Variants in ERN1 observed in about 807,000 individuals in gnomAD.
ERN1 encodes endoplasmic reticulum to nucleus signaling 1, also known as serine/threonine-protein kinase/endoribonuclease IRE1.
Under a neutral mutation model 113.1 loss-of-function variants are expected in ERN1, and 39 were observed. The ratio of observed to expected loss-of-function variants is 0.34; its 90% CI spans 0.27 to 0.45. The LOEUF is 0.45. Ranked by LOEUF, ERN1 falls within the 20% of genes least tolerant of loss-of-function variation. The pLI is 1.00. For missense variants in ERN1, 976 were observed against 1,274.8 expected (o/e 0.77, Z 3.57); for synonymous variants, 507 against 515.9 (o/e 0.98, Z 0.23).
chr17:64,062,992 C>T (rs1160294072), intron 10 of ERN1, among the ~76,000 whole-genome samples: 2 of 152,218 alleles, frequency 1.3e-5, no homozygotes, highest in Non-Finnish European at 2.9e-5. Flanking sequence ...CCACCTACAC[C>T]GCACTGCCTG....
chr17:64,105,938 C>T (rs1392092454), intron 1 of ERN1, among the ~76,000 whole-genome samples: 7 of 142,976 alleles, frequency 4.9e-5, no homozygotes, highest in South Asian at 2.2e-4. Flanking sequence ...CCAGCCTAGG[C>T]GACAAGAGCA....
In ERN1 at chr17:64,063,151, C is replaced by T. The variant is rs1053534928; in HGVS notation, c.1087+835G>A. Among the ~76,000 whole-genome samples the T allele has an allele frequency of 1.3e-5, 2 of 152,262 alleles. No homozygotes were observed. Among genetic ancestry groups the T allele is most frequent in the Admixed American group, 1.3e-4 (2 of 15,290 alleles). ...CAGAGAGAAGAAACTGCACCGGCCC[C>T]TGGGTGCTCCAGCACCCGACTGACC... On this transcript the variant is annotated intron_variant, in intron 10 of 21. Transcript: ENST00000433197. The surrounding 1 kb of genome is among the most constrained non-coding windows in gnomAD (Gnocchi z 5.1).
Position 64,057,955 on chromosome 17 carries a change from AG to A in ERN1, c.1244del (p.Pro415LeufsTer35). On this transcript the variant is annotated frameshift_variant, in exon 12 of 22. Transcript: ENST00000433197. LOFTEE classifies it high-confidence loss of function. ...NLVDQTSENAPTTVSRDVEEK... is the reference protein window; with the variant it reads ...NLVDQTSENAXTTVSRDVEEK... Reference sequence around the variant, plus strand: ...CCTCCACATCCCGAGACACGGTGGTAGGTGCGTTTTCTGAAGTCTGGTCAAC... The same window carrying A: ...CCTCCACATCCCGAGACACGGTGGTAGTGCGTTTTCTGAAGTCTGGTCAAC... The A allele has an allele frequency of 6.3e-7, 1 of 1,599,436 alleles. No homozygotes were observed. The highest frequency in any genetic ancestry group is 8.5e-7 in the Non-Finnish European group (1 of 1,173,134).
At chr17:64,061,243 C>A (rs903911901) in intron 10 of ERN1, among the ~76,000 whole-genome samples, 1 of 152,200 alleles carries the variant, frequency 6.6e-6, no homozygotes, top group African/African-American at 2.4e-5. Flanking sequence ...ACAAAGCTGA[C>A]TAGAATAGGG....
intron 1 of ERN1, among the ~76,000 whole-genome samples, chr17:64,107,325 T>C (rs1729336819): frequency 6.6e-6 from 1 of 152,196 alleles, no homozygotes; most frequent in Admixed American, 6.5e-5. Flanking sequence ...AAATTTGTTT[T>C]GTTTTGTTTC....
chr17:64,120,490 C>A (rs935764294), intron 1 of ERN1, among the ~76,000 whole-genome samples: 10 of 152,226 alleles, frequency 6.6e-5, no homozygotes, highest in Middle Eastern at 3.4e-3. Context: ...GGGAAATAAT[C>A]CACTGGAGAA....
At chr17:64,107,125 C>G (rs1173595873) in intron 1 of ERN1, among the ~76,000 whole-genome samples, 2 of 152,058 alleles carry the variant, frequency 1.3e-5, no homozygotes, top group East Asian at 3.9e-4. Flanking sequence ...AAAAATTCAC[C>G]AAAGCAGTAG....
At chr17:64,105,687 C>T (rs1024489624) in intron 1 of ERN1, among the ~76,000 whole-genome samples, 14 of 152,202 alleles carry the variant, frequency 9.2e-5, no homozygotes, top group Middle Eastern at 3.4e-3. Flanking sequence ...AGAAAACAGC[C>T]GGGCACAGTG....
Position 64,049,462 on chromosome 17 carries a change from G to A in ERN1, c.2254-260C>T, listed in dbSNP as rs1323372285. On this transcript the variant is annotated intron_variant, in intron 17 of 21. Coordinates refer to ENST00000433197, the MANE Select transcript of ERN1 (RefSeq NM_001433.5). The surrounding 1 kb of genome is among the most constrained non-coding windows in gnomAD (Gnocchi z 4.7). ...CTCATGTGAGATGAGGACACTGACA[G>A]CATGGGGCTGTTGTCAAAAGAGATG... 1.3e-5 allele frequency among the ~76,000 whole-genome samples: 2 copies of A among 152,228 alleles called. No individual in the cohort carries two copies. The highest frequency in any genetic ancestry group is 2.9e-5 in the Non-Finnish European group (2 of 68,038).
chr17:64,068,462 C>T (rs1913308781), intron 6 of ERN1, among the ~76,000 whole-genome samples, 171 bp from the exon 7 acceptor site: 1 of 152,196 alleles, frequency 6.6e-6, no homozygotes, highest in Admixed American at 6.5e-5. Flanking sequence ...AAGGCCCAGA[C>T]ACATGAGTGA....
At chr17:64,051,799 A>G (rs984789196) in intron 17 of ERN1, among the ~76,000 whole-genome samples, 1 of 152,236 alleles carries the variant, frequency 6.6e-6, no homozygotes, top group African/African-American at 2.4e-5. Flanking sequence ...CAACTCTATA[A>G]AAGACATTTG....
chr17:64,061,389 G>A (rs1010608019), intron 10 of ERN1, among the ~76,000 whole-genome samples: 1 of 152,170 alleles, frequency 6.6e-6, no homozygotes. Flanking sequence ...CTCTGGCTAT[G>A]AGCAGATCTC....
intron 2 of ERN1, among the ~76,000 whole-genome samples, chr17:64,082,343 C>T (rs1001990261): frequency 6.6e-6 from 1 of 152,140 alleles, no homozygotes; most frequent in African/African-American, 2.4e-5. Flanking sequence ...CACAAACAGA[C>T]TGATGCAAGA....
intron 6 of ERN1, among the ~76,000 whole-genome samples, chr17:64,070,530 C>T (rs123207): frequency 0.96 from 146,305 of 152,304 alleles, 70,564 homozygotes; most frequent in East Asian, 1. Context: ...TCACTACAGT[C>T]AGAAGCTGGA....
intron 2 of ERN1, 78 bp from the exon 3 acceptor site, chr17:64,080,886 C>G: frequency 1.4e-6 from 2 of 1,415,694 alleles, no homozygotes; most frequent in South Asian, 2.5e-5. Context: ...CAGGACCAGG[C>G]CAAGTTGTAC....
chr17:64,083,510 G>A (rs1315002927), intron 2 of ERN1, among the ~76,000 whole-genome samples: 1 of 152,020 alleles, frequency 6.6e-6, no homozygotes, highest in Admixed American at 6.5e-5. Flanking sequence ...AAGAATAAAA[G>A]CCAATGTCAC....
At position 64,071,879 on chromosome 17, in the gene ERN1, G is replaced by GA. The variant is rs1334511541; in HGVS notation, c.478+101dup. On this transcript the variant is annotated intron_variant, in intron 6 of 21. Coordinates refer to ENST00000433197, the MANE Select transcript of ERN1 (RefSeq NM_001433.5). ...AATGACATGATGGGACCTGTGTTTG[G>GA]AAAAAAGCAGCTCTGGCCACCTTCT... The GA allele has an allele frequency of 3.4e-5, 45 of 1,323,868 alleles. No homozygotes were observed. In the African/African-American group the frequency reaches 4.6e-4, roughly 13 times the overall value. 82.0% of individuals were successfully genotyped at this position (1,323,868 alleles called of 1,614,324 possible). A position where few individuals can be genotyped will look rare whatever the true frequency, so the allele number is the denominator to read the frequency against.
At chr17:64,046,279 A>G (rs766314446) in intron 19 of ERN1, among the ~76,000 whole-genome samples, 28 of 152,218 alleles carry the variant, frequency 1.8e-4, no homozygotes, top group Admixed American at 3.9e-4. Context: ...TAGATTGTCA[A>G]CTTGGGTACA....
intron 1 of ERN1, among the ~76,000 whole-genome samples, chr17:64,123,259 G>C (rs1209460027): frequency 1.3e-5 from 2 of 152,140 alleles, no homozygotes; most frequent in Non-Finnish European, 2.9e-5. Context: ...CTCAAAACCA[G>C]AGAATTATCC....
Sources: gnomAD v4.1 joint callset for allele counts (sites outside exome capture counted in the v4.1 genomes callset) on GRCh38, gnomAD v4.1.1 for gene constraint, Gnocchi (gnomAD v3.1) non-coding constraint, MANE v1.5 for transcripts, NCBI Gene and HGNC (gene_info 2026-07-23, HGNC 2026-07-21) for gene names.